The following SPAG9 variants were observed in gnomAD, a reference collection of about 807,000 sequenced individuals.
SPAG9 encodes the protein sperm associated antigen 9.
In SPAG9, 35 loss-of-function variants were observed where a neutral mutation model predicts 166.5. The ratio of observed to expected loss-of-function variants is 0.21; its 90% CI spans 0.16 to 0.28. The LOEUF is 0.28. Ranked by LOEUF, SPAG9 falls within the 10% of genes least tolerant of loss-of-function variation. SPAG9 has a pLI of 1.00. For synonymous variants in SPAG9, 534 were observed against 565.5 expected, an observed-to-expected ratio of 0.94 and a Z score of 0.79; for missense variants, 1,235 against 1,603.3, an observed-to-expected ratio of 0.77 and a Z score of 3.92.
intron 1 of SPAG9, among the ~76,000 whole-genome samples, chr17:51,091,780 T>C (rs17572837): frequency 0.068 from 10,294 of 151,572 alleles, 388 homozygotes; most frequent in Non-Finnish European, 0.089. Flanking sequence ...TTAAAGTGAC[T>C]TCAGACAACT....
intron 1 of SPAG9, among the ~76,000 whole-genome samples, chr17:51,093,244 A>G (rs2048518208): frequency 6.6e-6 from 1 of 152,118 alleles, no homozygotes; most frequent in Admixed American, 6.6e-5. Flanking sequence ...AATTATTGGA[A>G]TAAAAGTATC....
intron 4 of SPAG9, chr17:51,046,778 G>T (rs1055800108): frequency 6.5e-7 from 1 of 1,534,694 alleles, no homozygotes; most frequent in Non-Finnish European, 8.7e-7. Flanking sequence ...AATGCCATCA[G>T]CAGCAGCTTT....
rs1265769092 is a variant in SPAG9 at position 51,007,338 on chromosome 17, A to G, written c.1214-12T>C. The G allele has an allele frequency of 2.6e-6, 4 of 1,511,752 alleles. No homozygotes were observed. The highest frequency in any genetic ancestry group is 1.7e-4 in the Middle Eastern group (1 of 5,846). The allele number at this position is 1,511,752 out of a possible 1,614,324, so 93.6% of individuals were successfully genotyped here. ...TTCCCGACCCATTCCTATCAAACGA[A>G]AAAAGATAAAGACTTTGAAAATAAA... On this transcript the variant is annotated splice_polypyrimidine_tract_variant and intron_variant, in intron 9 of 29. Coordinates refer to ENST00000262013, the MANE Select transcript of SPAG9 (RefSeq NM_001130528.3).
intron 1 of SPAG9, among the ~76,000 whole-genome samples, chr17:51,105,579 C>T (rs2144754343): frequency 6.6e-6 from 1 of 152,236 alleles, no homozygotes; most frequent in South Asian, 2.1e-4. Flanking sequence ...TGAAAAAACA[C>T]TTAAAGCTTG....
intron 1 of SPAG9, among the ~76,000 whole-genome samples, chr17:51,111,795 G>C (rs1325357530): frequency 6.6e-6 from 1 of 152,008 alleles, no homozygotes; most frequent in Non-Finnish European, 1.5e-5. Flanking sequence ...TAGAGACGGG[G>C]TTTCACCATG....
At position 50,995,039 on chromosome 17, in the gene SPAG9, G is replaced by A. The variant is rs1457090255; in HGVS notation, c.2226+18C>T. On this transcript the variant is annotated intron_variant, in intron 18 of 29. Transcript: ENST00000262013. ...CATAGTCTCATAAACCAGGTCAAAT[G>A]TTAGTACACACACTTACCTTAAGTT... 26 of 1,596,154 alleles carry A rather than the reference G, an allele frequency of 1.6e-5. No homozygotes were observed. Among genetic ancestry groups the A allele is most frequent in the South Asian group, 4.5e-5 (4 of 88,878 alleles).
intron 9 of SPAG9, chr17:51,009,121 T>G (rs898174288): frequency 2.2e-6 from 1 of 450,292 alleles, no homozygotes; most frequent in African/African-American, 2.0e-5. Flanking sequence ...ATATTCAAAA[T>G]CATACACACC....
intron 6 of SPAG9, among the ~76,000 whole-genome samples, chr17:51,022,686 C>T (rs1475436184): frequency 2.6e-5 from 4 of 151,284 alleles, no homozygotes; most frequent in African/African-American, 9.7e-5. Flanking sequence ...CAGTGGCTCA[C>T]GCCTGTAATC....
rs1973185265 is a variant in SPAG9 at position 50,962,653 on chromosome 17, G to C, written c.*3619C>G. 6.6e-6 allele frequency: 1 copy of C among 152,126 alleles called. No individual in the cohort carries two copies. Among genetic ancestry groups the C allele is most frequent in the African/African-American group, 2.4e-5 (1 of 41,432 alleles). 9.4% of individuals were successfully genotyped at this position (152,126 alleles called of 1,614,324 possible). A position where few individuals can be genotyped will look rare whatever the true frequency, so the allele number is the denominator to read the frequency against. ...AGCCCTAAATCTGGTTGAGTCCTTT[G>C]GTAACGGTCATAATACTCACAAGGA... is the stretch of plus-strand genomic sequence containing the variant. On this transcript the variant is annotated 3_prime_UTR_variant, in exon 30 of 30. Transcript: ENST00000262013.
At chr17:50,974,737 A>T (rs1974095304) in intron 28 of SPAG9, 34 bp downstream of exon 28, 2 of 1,543,532 alleles carry the variant, frequency 1.3e-6, no homozygotes, top group Non-Finnish European at 1.7e-6. Context: ...AGAGACAATT[A>T]CATGGAACAT....
At chr17:51,110,768 C>A (rs2049085919) in intron 1 of SPAG9, among the ~76,000 whole-genome samples, 1 of 152,074 alleles carries the variant, frequency 6.6e-6, no homozygotes, top group Admixed American at 6.6e-5. Context: ...GTTCACCTCA[C>A]ACATTTTTGG....
Position 51,089,620 on chromosome 17 carries a change from TTATATATATATATATA to T in SPAG9, c.304-9932_304-9917del, listed in dbSNP as rs746370783. Among the ~76,000 whole-genome samples, 192 of 40,478 alleles carry T rather than the reference TTATATATATATATATA, an allele frequency of 4.7e-3. 3 individuals carry two copies. The highest frequency in any genetic ancestry group is 6.3e-3 in the Non-Finnish European group (144 of 22,710). The allele number at this position is 40,478 out of a possible 152,430, so 26.6% of individuals were successfully genotyped here. On this transcript the variant is annotated intron_variant, in intron 1 of 29. Coordinates refer to ENST00000262013, the MANE Select transcript of SPAG9 (RefSeq NM_001130528.3). ...TATATGTATATATATACACTTTATT[TTATATATATATATATA>T]TATATATATATATATATATATATAT...
intron 9 of SPAG9, chr17:51,009,189 T>C (rs1323227487): frequency 6.7e-6 from 3 of 450,274 alleles, no homozygotes; most frequent in African/African-American, 2.0e-5. Context: ...CTCAATTAGA[T>C]TGTTTTCAGA....
intron 1 of SPAG9, among the ~76,000 whole-genome samples, chr17:51,111,411 A>T (rs1403258307): frequency 2.6e-5 from 4 of 152,176 alleles, no homozygotes; most frequent in African/African-American, 9.7e-5. Flanking sequence ...CAACATAAGT[A>T]AGCAGCATGT....
intron 18 of SPAG9, among the ~76,000 whole-genome samples, chr17:50,994,521 T>C (rs765589567): frequency 1.4e-4 from 21 of 151,992 alleles, no homozygotes; most frequent in Non-Finnish European, 2.8e-4. Flanking sequence ...GAGGCTGAGG[T>C]GGGAGGACTG....
Position 50,985,005 on chromosome 17 carries a change from G to A in SPAG9, c.3021-15C>T, listed in dbSNP as rs767617872. On this transcript the variant is annotated splice_polypyrimidine_tract_variant and intron_variant, in intron 23 of 29. Coordinates refer to ENST00000262013, the MANE Select transcript of SPAG9 (RefSeq NM_001130528.3). Reference sequence around the variant, plus strand: ...CCTTCACGTGTCTGCAAACAGGAAAGGGGAGTTCAGAACTCTCCATTCAGG... The same window carrying A: ...CCTTCACGTGTCTGCAAACAGGAAAAGGGAGTTCAGAACTCTCCATTCAGG... 4 of 1,613,182 alleles carry A rather than the reference G, an allele frequency of 2.5e-6. No homozygotes were observed. Among genetic ancestry groups the A allele is most frequent in the Non-Finnish European group, 3.4e-6 (4 of 1,179,282 alleles).
At chr17:51,091,260 A>G (rs1329905581) in intron 1 of SPAG9, among the ~76,000 whole-genome samples, 1 of 150,566 alleles carries the variant, frequency 6.6e-6, no homozygotes, top group African/African-American at 2.5e-5. Flanking sequence ...GCGACGGATC[A>G]AGACCCTGTA....
At chr17:51,072,380 T>A (rs1025506441) in intron 2 of SPAG9, among the ~76,000 whole-genome samples, 2 of 148,320 alleles carry the variant, frequency 1.3e-5, no homozygotes, top group African/African-American at 5.0e-5. Flanking sequence ...TCTCATATTT[T>A]ATTTAAAAAA....
rs894970588 is a variant in SPAG9 at position 51,005,392 on chromosome 17, G to T, written c.1425-129C>A. ...TTTCTTTTCCCAAACAGGGTATTTA[G>T]CCACCCTCATTTGGTGGAGTATCAT... On this transcript the variant is annotated intron_variant, in intron 11 of 29. Transcript: ENST00000262013. 6.9e-5 allele frequency: 54 copies of T among 778,902 alleles called. No individual in the cohort carries two copies. In the African/African-American group the frequency reaches 8.2e-4, roughly 12 times the overall value. 48.2% of individuals were successfully genotyped at this position (778,902 alleles called of 1,614,324 possible).
Sources: gnomAD v4.1 joint callset for allele counts (sites outside exome capture counted in the v4.1 genomes callset) on GRCh38, gnomAD v4.1.1 for gene constraint, MANE v1.5 for transcripts, NCBI Gene and HGNC (gene_info 2026-07-23, HGNC 2026-07-21) for gene names.